RPA3: variants seen among roughly 807,000 people sequenced by gnomAD.
The protein encoded by RPA3 is replication protein A3.
In RPA3, 24 loss-of-function variants were observed where a neutral mutation model predicts 13.7. The observed-to-expected ratio is 1.75, with a 90% CI of 1.27 to 2.46. The LOEUF (loss-of-function observed/expected upper bound fraction) is 2.46, where lower values mean the gene tolerates loss of function less well. RPA3 is among the 30% of genes most tolerant of loss of function. The pLI, the probability that RPA3 is intolerant of heterozygous loss-of-function variation, is 0.00. For missense variants in RPA3, 183 were observed against 151.0 expected, an observed-to-expected ratio of 1.21 and a Z score of -1.11; for synonymous variants, 59 against 51.2, an observed-to-expected ratio of 1.15 and a Z score of -0.65.
At chr7:7,653,420 T>A (rs1024329942) in intron 4 of RPA3, among the ~76,000 whole-genome samples, 1 of 152,246 alleles carries the variant, frequency 6.6e-6, no homozygotes, top group African/African-American at 2.4e-5. Context: ...GGCAGTAATC[T>A]TATCTTCTAA....
At chr7:7,700,230 G>T (rs1375102523) in intron 2 of RPA3, among the ~76,000 whole-genome samples, 1 of 152,164 alleles carries the variant, frequency 6.6e-6, no homozygotes, top group African/African-American at 2.4e-5. Flanking sequence ...CTTTCTCCCT[G>T]CTCCCCACAT....
At chr7:7,670,957 A>T (rs1779590828) in intron 4 of RPA3, among the ~76,000 whole-genome samples, 1 of 152,090 alleles carries the variant, frequency 6.6e-6, no homozygotes, top group South Asian at 2.1e-4. Context: ...CTTCCATGCC[A>T]TTGGCTTCAC....
chr7:7,657,740 TA>T (rs1236624927), intron 4 of RPA3, among the ~76,000 whole-genome samples: 2 of 152,196 alleles, frequency 1.3e-5, no homozygotes, highest in African/African-American at 2.4e-5. Flanking sequence ...TGAAGTCAGG[TA>T]GTGTGATGCC....
chr7:7,713,854 A>G (rs896688460), intron 2 of RPA3, among the ~76,000 whole-genome samples: 1 of 152,102 alleles, frequency 6.6e-6, no homozygotes, highest in Non-Finnish European at 1.5e-5. Flanking sequence ...TTCTAGAGGC[A>G]GGGTCTCACT....
At chr7:7,656,240 C>T (rs550353672) in intron 4 of RPA3, among the ~76,000 whole-genome samples, 12 of 151,958 alleles carry the variant, frequency 7.9e-5, no homozygotes, top group African/African-American at 2.2e-4. Flanking sequence ...AGTGGAAATA[C>T]GAGTTGAAGG....
At chr7:7,646,735 G>T (rs1049648269) in intron 4 of RPA3, among the ~76,000 whole-genome samples, 1 of 151,930 alleles carries the variant, frequency 6.6e-6, no homozygotes, top group Non-Finnish European at 1.5e-5. Flanking sequence ...CTGTCCCATG[G>T]CCAATCTCCT....
At chr7:7,637,104 AC>A (rs1483667087) in intron 7 of RPA3, 22 bp from the exon 8 acceptor site, 8 of 1,482,062 alleles carry the variant, frequency 5.4e-6, no homozygotes, top group Non-Finnish European at 7.5e-6. Flanking sequence ...ATTTAAGCAA[AC>A]ATTTAATCTA....
At chr7:7,648,010 T>A (rs1462380036) in intron 4 of RPA3, among the ~76,000 whole-genome samples, 1 of 152,204 alleles carries the variant, frequency 6.6e-6, no homozygotes, top group Non-Finnish European at 1.5e-5. Flanking sequence ...ATATCTCACC[T>A]AGGGGAGACA....
chr7:7,701,460 C>T (rs767985864), intron 2 of RPA3, among the ~76,000 whole-genome samples: 1 of 152,122 alleles, frequency 6.6e-6, no homozygotes, highest in Admixed American at 6.5e-5. Flanking sequence ...ATTTGCCATC[C>T]GTTGTTTGCT....
At chr7:7,682,512 T>C (rs1779937712) in intron 4 of RPA3, among the ~76,000 whole-genome samples, 1 of 152,188 alleles carries the variant, frequency 6.6e-6, no homozygotes, top group Non-Finnish European at 1.5e-5. Flanking sequence ...AATTTAGCTG[T>C]ATACATAAAA....
Position 7,717,113 on chromosome 7 carries a change from A to G in RPA3, c.-1080+1402T>C, listed in dbSNP as rs62432606. Among the ~76,000 whole-genome samples, 582 of 147,518 alleles carry G rather than the reference A, an allele frequency of 3.9e-3. 4 individuals are homozygous for G. Among genetic ancestry groups the G allele is most frequent in the Non-Finnish European group, 5.7e-3 (381 of 67,310 alleles). On this transcript the variant is annotated intron_variant, in intron 1 of 7. Coordinates refer to ENST00000223129, the MANE Select transcript of RPA3 (RefSeq NM_002947.5). ...GGTCTGTTGCCCAGGCTGGAGTGCA[A>G]TGGCATGATCTTGGCTCACTGCAAC... is the stretch of plus-strand genomic sequence containing the variant.
intron 2 of RPA3, among the ~76,000 whole-genome samples, chr7:7,709,033 T>G (rs1303181932): frequency 2.0e-5 from 3 of 151,890 alleles, no homozygotes; most frequent in Non-Finnish European, 2.9e-5. Flanking sequence ...AGGAAAACAG[T>G]CCTAACTATT....
At chr7:7,709,261 T>C (rs964733073) in intron 2 of RPA3, among the ~76,000 whole-genome samples, 13 of 152,234 alleles carry the variant, frequency 8.5e-5, no homozygotes, top group Non-Finnish European at 1.5e-4. Context: ...ACTTTTAATA[T>C]GGATTTAACT....
chr7:7,636,939 AG>A lies in RPA3; in HGVS notation c.*60del, dbSNP rs1784875757. On this transcript the variant is annotated 3_prime_UTR_variant, in exon 8 of 8. Coordinates refer to ENST00000223129, the MANE Select transcript of RPA3 (RefSeq NM_002947.5). ...ACAGAAATCTCTCCCTCAAACAAGA[AG>A]GGCTTCCTTTAATAGACTTTAATAT... 8.3e-7 allele frequency: 1 copy of A among 1,199,660 alleles called. No individual in the cohort carries two copies. The highest frequency in any genetic ancestry group is 1.9e-5 in the Admixed American group (1 of 52,522). 74.3% of individuals were successfully genotyped at this position (1,199,660 alleles called of 1,614,324 possible).
chr7:7,644,871 A>T (rs983208984), intron 4 of RPA3, among the ~76,000 whole-genome samples: 2 of 152,192 alleles, frequency 1.3e-5, no homozygotes, highest in Non-Finnish European at 2.9e-5. Flanking sequence ...TGGAATTTTG[A>T]TCAAAATTGC....
intron 2 of RPA3, 94 bp downstream of exon 2, chr7:7,715,081 T>C (rs907103755): frequency 1.3e-5 from 2 of 152,164 alleles, no homozygotes; most frequent in Admixed American, 6.5e-5. Flanking sequence ...AAATACTTTT[T>C]TTTAGTGTTT....
At chr7:7,639,873 G>C (rs1784924998) in intron 5 of RPA3, 1 of 189,616 alleles carries the variant, frequency 5.3e-6, no homozygotes, top group Non-Finnish European at 1.1e-5. Flanking sequence ...GTTACTACGG[G>C]ACCCAAAGCG....
At chr7:7,653,084 G>T (rs1223237893) in intron 4 of RPA3, among the ~76,000 whole-genome samples, 1 of 152,198 alleles carries the variant, frequency 6.6e-6, no homozygotes, top group Non-Finnish European at 1.5e-5. Flanking sequence ...TGTGTTTTAT[G>T]ATATTTGTTT....
chr7:7,716,088 A>G (rs563782870), intron 1 of RPA3, among the ~76,000 whole-genome samples: 2 of 152,320 alleles, frequency 1.3e-5, no homozygotes, highest in African/African-American at 4.8e-5. Context: ...GAAATTATGG[A>G]TGCAGAAAGC....
Sources: gnomAD v4.1 joint callset for allele counts (sites outside exome capture counted in the v4.1 genomes callset) on GRCh38, gnomAD v4.1.1 for gene constraint, MANE v1.5 for transcripts, NCBI Gene and HGNC (gene_info 2026-07-23, HGNC 2026-07-21) for gene names.